NOL4: variants seen among roughly 807,000 people sequenced by gnomAD.
The protein encoded by NOL4 is cancer/testis antigen 125.
Under a neutral mutation model 75.9 loss-of-function variants are expected in NOL4, and 17 were observed. That is an observed-to-expected ratio of 0.22 (90% CI 0.15 to 0.34). The LOEUF is 0.34. Among genes scored for constraint, NOL4 ranks in the 10% least tolerant of loss-of-function variants. NOL4 has a pLI of 1.00. For missense variants in NOL4, 614 were observed against 793.5 expected, an observed-to-expected ratio of 0.77 and a Z score of 2.72; for synonymous variants, 292 against 289.9, an observed-to-expected ratio of 1.01 and a Z score of -0.07.
intron 3 of NOL4, among the ~76,000 whole-genome samples, chr18:34,104,782 C>T (rs941358984): frequency 1.3e-5 from 2 of 151,806 alleles, no homozygotes; most frequent in African/African-American, 4.8e-5. Context: ...TCTAAAATAG[C>T]ATGAAATACA....
intron 6 of NOL4, among the ~76,000 whole-genome samples, chr18:33,971,307 G>A (rs1433673976): frequency 6.6e-6 from 1 of 152,186 alleles, no homozygotes; most frequent in Non-Finnish European, 1.5e-5. Flanking sequence ...GGGATGATTA[G>A]CAGCAACTCA....
At chr18:34,070,848 CA>C (rs550160284) in intron 5 of NOL4, among the ~76,000 whole-genome samples, 221 of 151,818 alleles carry the variant, frequency 1.5e-3, no homozygotes, top group African/African-American at 4.8e-3. Context: ...CTATTATAAG[CA>C]AAAATAACAA....
intron 1 of NOL4, among the ~76,000 whole-genome samples, chr18:34,176,158 G>A (rs2033529657): frequency 6.6e-6 from 1 of 151,990 alleles, no homozygotes; most frequent in Non-Finnish European, 1.5e-5. Context: ...GGACCAAGTG[G>A]AAATCCTGGA....
chr18:33,973,692 A>C (rs1007094814), intron 6 of NOL4, among the ~76,000 whole-genome samples: 1 of 152,174 alleles, frequency 6.6e-6, no homozygotes, highest in Non-Finnish European at 1.5e-5. Context: ...GTGTATCTCC[A>C]TCAGAGCTCT....
intron 1 of NOL4, among the ~76,000 whole-genome samples, chr18:34,220,559 A>G (rs955580197): frequency 2.6e-5 from 4 of 152,202 alleles, no homozygotes; most frequent in Admixed American, 2.0e-4. Context: ...TGTATCATTA[A>G]GGAAGGAATA....
intron 1 of NOL4, among the ~76,000 whole-genome samples, chr18:34,202,148 C>A (rs1030333659): frequency 6.6e-6 from 1 of 151,732 alleles, no homozygotes; most frequent in African/African-American, 2.4e-5. Context: ...CAGTCCAAAT[C>A]CCACTTTTAC....
chr18:34,036,594 G>A (rs1169205321), intron 5 of NOL4, among the ~76,000 whole-genome samples: 1 of 152,086 alleles, frequency 6.6e-6, no homozygotes, highest in Non-Finnish European at 1.5e-5. Flanking sequence ...CATATTTCTG[G>A]AAGTTCTAGC....
intron 5 of NOL4, among the ~76,000 whole-genome samples, chr18:34,068,966 T>C (rs1158181747): frequency 2.0e-5 from 3 of 152,112 alleles, no homozygotes. Context: ...TAATCATTCT[T>C]TTATAGCAAT....
At chr18:33,951,011 T>C (rs1262128092) in intron 8 of NOL4, among the ~76,000 whole-genome samples, 1 of 152,146 alleles carries the variant, frequency 6.6e-6, no homozygotes, top group Non-Finnish European at 1.5e-5. Flanking sequence ...TTTTCCAGGG[T>C]GAGACCAAAG....
At chr18:33,864,554 A>C (rs2063336652) in intron 10 of NOL4, among the ~76,000 whole-genome samples, 1 of 152,104 alleles carries the variant, frequency 6.6e-6, no homozygotes, top group South Asian at 2.1e-4. Flanking sequence ...CCATTCAACA[A>C]GTCTCTAGGA....
At chr18:34,066,089 TAAC>T (rs959811053) in intron 5 of NOL4, among the ~76,000 whole-genome samples, 4 of 151,952 alleles carry the variant, frequency 2.6e-5, no homozygotes, top group African/African-American at 7.2e-5. Flanking sequence ...GTATATATTC[TAAC>T]AACAAAAATA....
intron 5 of NOL4, among the ~76,000 whole-genome samples, chr18:34,062,131 G>A (rs558305181): frequency 3.3e-5 from 5 of 152,156 alleles, no homozygotes; most frequent in Non-Finnish European, 5.9e-5. Context: ...AATGCCCAAT[G>A]AGAACATGCC....
rs533987634 is a variant in NOL4 at position 34,174,682 on chromosome 18, C to T, written c.265-44662G>A. On this transcript the variant is annotated intron_variant, in intron 1 of 10. Coordinates refer to ENST00000261592, the MANE Select transcript of NOL4 (RefSeq NM_003787.5). ...CCTAATGCTATCCCTCTGCTAGCCC[C>T]CCACCTCCCGACAGGCCCCGGTGTG... Among the ~76,000 whole-genome samples, 4 of 152,174 alleles carry T rather than the reference C, an allele frequency of 2.6e-5. No individual in the cohort carries two copies. The East Asian group carries it at 7.8e-4, about 30-fold the overall frequency.
At chr18:34,195,579 C>T (rs369206216) in intron 1 of NOL4, among the ~76,000 whole-genome samples, 22 of 151,612 alleles carry the variant, frequency 1.5e-4, no homozygotes, top group East Asian at 5.8e-4. Context: ...AATAATACTG[C>T]CATGTTTTCC....
At chr18:34,143,773 G>A (rs1000121775) in intron 1 of NOL4, among the ~76,000 whole-genome samples, 10 of 149,652 alleles carry the variant, frequency 6.7e-5, no homozygotes, top group South Asian at 4.2e-4. Flanking sequence ...GCTGAAGCAG[G>A]AGAATTGCTT....
chr18:34,151,601 C>CTA (rs558425464), intron 1 of NOL4, among the ~76,000 whole-genome samples: 3 of 151,740 alleles, frequency 2.0e-5, no homozygotes, highest in Non-Finnish European at 4.4e-5. Context: ...GGCAGTGAAA[C>CTA]TATTCTGTAT....
intron 6 of NOL4, among the ~76,000 whole-genome samples, chr18:34,003,742 T>C (rs1244173657): frequency 6.6e-6 from 1 of 152,064 alleles, no homozygotes; most frequent in Non-Finnish European, 1.5e-5. Flanking sequence ...TTGGTTATCA[T>C]TTGCTTCACT....
intron 6 of NOL4, among the ~76,000 whole-genome samples, chr18:34,011,630 CTT>C (rs2074378842): frequency 6.6e-6 from 1 of 151,568 alleles, no homozygotes; most frequent in Non-Finnish European, 1.5e-5. Flanking sequence ...CACACACACA[CTT>C]AAGCAAAAAA....
intron 1 of NOL4, among the ~76,000 whole-genome samples, chr18:34,136,120 A>G (rs2080880747): frequency 6.6e-6 from 1 of 152,176 alleles, no homozygotes; most frequent in Non-Finnish European, 1.5e-5. Flanking sequence ...GAAAAAACTC[A>G]TTTGACAAAA....
Sources: gnomAD v4.1 joint callset for allele counts (sites outside exome capture counted in the v4.1 genomes callset) on GRCh38, gnomAD v4.1.1 for gene constraint, MANE v1.5 for transcripts, NCBI Gene and HGNC (gene_info 2026-07-23, HGNC 2026-07-21) for gene names.